Variants in DNAJB1 observed in about 807,000 individuals in gnomAD.
The protein encoded by DNAJB1 is DnaJ heat shock protein family (Hsp40) member B1.
Under a neutral mutation model 24.0 loss-of-function variants are expected in DNAJB1, and 14 were observed. That is an observed-to-expected ratio of 0.58 (90% CI 0.39 to 0.91). The LOEUF is 0.91. Ranked by LOEUF, DNAJB1 falls within the 40% of genes least tolerant of loss-of-function variation. DNAJB1 has a pLI of 0.00. For missense variants in DNAJB1, 517 were observed against 458.1 expected, an observed-to-expected ratio of 1.13 and a Z score of -1.17; for synonymous variants, 262 against 174.4, an observed-to-expected ratio of 1.50 and a Z score of -3.96.
At chr19:14,517,106 C>T in intron 1 of DNAJB1, 60 bp from the exon 2 acceptor site, 1 of 1,526,896 alleles carries the variant, frequency 6.5e-7, no homozygotes, top group South Asian at 1.2e-5. Context: ...CTCGAGCTTC[C>T]CTTACAGGGG....
At chr19:14,553,037 G>A (rs960687339), upstream of DNAJB1, among the ~76,000 whole-genome samples, 2 of 152,056 alleles carry the variant, frequency 1.3e-5, no homozygotes, top group African/African-American at 4.8e-5. Flanking sequence ...CTGAGAATGG[G>A]GGGCAGGCCC....
chr19:14,535,990 C>T (rs78930422), intron 1 of DNAJB1, among the ~76,000 whole-genome samples: 2,618 of 151,984 alleles, frequency 0.017, 64 homozygotes, highest in African/African-American at 0.055. Flanking sequence ...TAGGCCATTT[C>T]TTTGCTGTAG....
upstream of DNAJB1, chr19:14,518,484 CG>C (rs67385620): frequency 6.7e-3 from 4,432 of 657,430 alleles, 152 homozygotes; most frequent in African/African-American, 0.051. Context: ...CCGCCCCGCC[CG>C]CCCCCGCGGC....
Position 14,515,042 on chromosome 19 carries a change from C to T in DNAJB1, c.*898G>A, listed in dbSNP as rs957203874. The T allele has an allele frequency of 6.6e-6, 1 of 152,514 alleles. No homozygotes were observed. Among genetic ancestry groups the T allele is most frequent in the African/African-American group, 2.4e-5 (1 of 41,414 alleles). 9.4% of individuals were successfully genotyped at this position (152,514 alleles called of 1,614,324 possible). A position where few individuals can be genotyped will look rare whatever the true frequency, so the allele number is the denominator to read the frequency against. On this transcript the variant is annotated 3_prime_UTR_variant, in exon 3 of 3. Transcript: ENST00000254322. ...TATAAAAACATATTTACAGACGTTC[C>T]ACAGTGCTCCTGTAATCAGAAGCAA...
At chr19:14,545,720 G>A (rs1249922068) in intron 1 of DNAJB1, 1 of 161,082 alleles carries the variant, frequency 6.2e-6, no homozygotes, top group Non-Finnish European at 1.4e-5. Context: ...AGGTTTTTGG[G>A]AGTGACAGAC....
chr19:14,529,808 C>T (rs1033545317), upstream of DNAJB1: 7 of 1,571,134 alleles, frequency 4.5e-6, no homozygotes, highest in East Asian at 2.3e-5. Context: ...TCCTGTGCCC[C>T]GAAGGAAGAG....
At chr19:14,559,829 T>C (rs1372145789) in intron 1 of DNAJB1, among the ~76,000 whole-genome samples, 1 of 150,284 alleles carries the variant, frequency 6.7e-6, no homozygotes, top group African/African-American at 2.4e-5. Flanking sequence ...ATTGCAAGAA[T>C]AGTATGGAGA....
At chr19:14,529,861 C>G (rs545976635), upstream of DNAJB1, 139 of 1,090,200 alleles carry the variant, frequency 1.3e-4, no homozygotes, top group African/African-American at 1.2e-3. Flanking sequence ...CGCCCCGGGC[C>G]ACTCGTAAAT....
Position 14,515,954 on chromosome 19 carries a change from C to G in DNAJB1, c.1009G>C (p.Val337Leu), listed in dbSNP as rs150137137. The change falls in exon 3 of 3, where the codon GTT (valine) becomes CTT (leucine). Residue 337 changes from valine to leucine, a missense_variant. Coordinates refer to ENST00000254322, the MANE Select transcript of DNAJB1 (RefSeq NM_006145.3). ...PQTSRTVLEQ[V>L]LPI is the part of the protein sequence containing the mutation. Reference sequence around the variant, plus strand: ...AGCTCAGATAGCTATATTGGAAGAACCTGCTCAAGTACGGTTCTTGATGTC... The same window carrying G: ...AGCTCAGATAGCTATATTGGAAGAAGCTGCTCAAGTACGGTTCTTGATGTC... 4 of 1,608,116 alleles carry G rather than the reference C, an allele frequency of 2.5e-6. No homozygotes were observed. The highest frequency in any genetic ancestry group is 2.7e-5 in the African/African-American group (2 of 74,136).
chr19:14,529,580 G>A (rs1323599484), upstream of DNAJB1: 1 of 1,516,682 alleles, frequency 6.6e-7, no homozygotes, highest in Admixed American at 1.7e-5. Flanking sequence ...GGGGCGGGGC[G>A]GACGCAGAGC....
At chr19:14,536,662 C>T (rs946328013) in intron 1 of DNAJB1, 1 of 152,082 alleles carries the variant, frequency 6.6e-6, no homozygotes, top group African/African-American at 2.4e-5. Context: ...ACTCTGTGTT[C>T]AGGGATATCA....
intron 1 of DNAJB1, among the ~76,000 whole-genome samples, chr19:14,542,374 T>TTTTTTTTTTTC (rs1469315066): frequency 5.1e-5 from 6 of 117,250 alleles, no homozygotes; most frequent in African/African-American, 2.0e-4. Context: ...TTTTTTTTTT[T>TTTTTTTTTTTC]TTCTGAGATG....
intron 1 of DNAJB1, among the ~76,000 whole-genome samples, chr19:14,543,813 A>T (rs2073211495): frequency 6.6e-6 from 1 of 151,534 alleles, no homozygotes; most frequent in Non-Finnish European, 1.5e-5. Context: ...ATCGCAGCTC[A>T]TTGCAACCTC....
intron 1 of DNAJB1, among the ~76,000 whole-genome samples, chr19:14,535,543 A>AATATATATATAT (rs747348455): frequency 1.8e-4 from 6 of 32,688 alleles, no homozygotes; most frequent in Non-Finnish European, 2.8e-4. Context: ...AAAAAAAAAA[A>AATATATATATAT]ATATATATAT....
chr19:14,519,720 C>T (rs945388238), upstream of DNAJB1, among the ~76,000 whole-genome samples: 4 of 152,168 alleles, frequency 2.6e-5, no homozygotes, highest in Admixed American at 2.0e-4. Context: ...TAAATATTCC[C>T]CGTTCTTACA....
intron 2 of DNAJB1, among the ~76,000 whole-genome samples, chr19:14,526,728 T>C (rs2072431304): frequency 6.6e-6 from 1 of 152,126 alleles, no homozygotes; most frequent in Non-Finnish European, 1.5e-5. Flanking sequence ...TTGTACACCA[T>C]CATGCCCTAT....
intron 1 of DNAJB1, chr19:14,544,998 C>G (rs2073250860): frequency 2.3e-6 from 1 of 431,346 alleles, no homozygotes; most frequent in Non-Finnish European, 4.7e-6. Context: ...TCACTCCTTC[C>G]CTTCTCTGTT....
intron 1 of DNAJB1, among the ~76,000 whole-genome samples, chr19:14,542,008 C>T (rs986899223): frequency 6.6e-6 from 1 of 152,124 alleles, no homozygotes; most frequent in African/African-American, 2.4e-5. Context: ...GTTTCGAACT[C>T]CTGACCTCAA....
intron 1 of DNAJB1, 40 bp downstream of exon 1, chr19:14,518,099 G>A: frequency 7.0e-7 from 1 of 1,425,714 alleles, no homozygotes; most frequent in South Asian, 1.5e-5. Flanking sequence ...TTCCCTGTCT[G>A]TCAAAAGGCG....
Sources: allele counts gnomAD v4.1 joint callset (sites outside exome capture counted in the v4.1 genomes callset), GRCh38; gene constraint gnomAD v4.1.1; transcripts MANE v1.5; gene names NCBI Gene and HGNC (gene_info 2026-07-23, HGNC 2026-07-21).